NCK2: variants seen among roughly 807,000 people sequenced by gnomAD.
The protein encoded by NCK2 is NCK adaptor protein 2.
NCK2 carries 16 observed loss-of-function variants against 33.9 expected under a neutral mutation model. The ratio of observed to expected loss-of-function variants is 0.47; its 90% CI spans 0.32 to 0.72. NCK2 has a LOEUF of 0.72. Among genes scored for constraint, NCK2 ranks in the 30% least tolerant of loss-of-function variants. The pLI is 0.03. For synonymous variants in NCK2, 273 were observed against 239.9 expected (o/e 1.14, Z -1.27); for missense variants, 418 against 537.3 (o/e 0.78, Z 2.19).
intron 4 of NCK2, among the ~76,000 whole-genome samples, chr2:105,883,597 A>G (rs1678597249): frequency 6.6e-6 from 1 of 152,140 alleles, no homozygotes; most frequent in Non-Finnish European, 1.5e-5. Flanking sequence ...TGCTGGCCTT[A>G]GGGAGGACCT....
At chr2:105,774,013 T>TTTC (rs1297052812) in intron 1 of NCK2, among the ~76,000 whole-genome samples, 1 of 148,730 alleles carries the variant, frequency 6.7e-6, no homozygotes, top group African/African-American at 2.5e-5. Flanking sequence ...CCAGCTATCT[T>TTTC]TTTTTTTTTT....
intron 4 of NCK2, among the ~76,000 whole-genome samples, chr2:105,892,063 A>G (rs965043148): frequency 1.3e-5 from 2 of 152,148 alleles, no homozygotes; most frequent in African/African-American, 4.8e-5. Context: ...TTAGCCAGGC[A>G]TGGTGGCACA....
intron 1 of NCK2, among the ~76,000 whole-genome samples, chr2:105,783,935 C>T (rs759374096): frequency 9.9e-5 from 15 of 152,188 alleles, no homozygotes; most frequent in Admixed American, 3.3e-4. Flanking sequence ...GAAAATGAAA[C>T]ACCCTTTCTC....
At chr2:105,777,682 ATCAAGGTCCTGTGTGTAGAGCCAC>A (rs897733521) in intron 1 of NCK2, among the ~76,000 whole-genome samples, 1 of 152,164 alleles carries the variant, frequency 6.6e-6, no homozygotes, top group African/African-American at 2.4e-5. Context: ...CACAATTCCT[ATCAAGGTCCTGTGTGTAGAGCCAC>A]TGTGGACACT....
intron 1 of NCK2, among the ~76,000 whole-genome samples, chr2:105,802,795 GC>G (rs2104449835): frequency 6.6e-6 from 1 of 152,156 alleles, no homozygotes; most frequent in African/African-American, 2.4e-5. Flanking sequence ...ATCCTTGTTT[GC>G]CCCCATGTGT....
intron 1 of NCK2, among the ~76,000 whole-genome samples, chr2:105,810,053 GGAGA>G (rs1309678960): frequency 6.6e-6 from 1 of 152,168 alleles, no homozygotes; most frequent in African/African-American, 2.4e-5. Flanking sequence ...TGAGAGGGAG[GGAGA>G]AAGAGCACAC....
Position 105,886,734 on chromosome 2 carries a change from G to A in NCK2, c.948+4685G>A, listed in dbSNP as rs1331457238. Among the ~76,000 whole-genome samples the A allele has an allele frequency of 2.0e-5, 3 of 152,264 alleles. No individual in the cohort carries two copies. The South Asian group carries it at 6.2e-4, about 32-fold the overall frequency. On this transcript the variant is annotated intron_variant, in intron 4 of 4. Transcript: ENST00000233154. ...GGACAATATTCTACAGGTCTATATGGTGAGGTATTACATGTGACTTTAGGA... is the reference window on the plus strand; with the variant it reads ...GGACAATATTCTACAGGTCTATATGATGAGGTATTACATGTGACTTTAGGA...
chr2:105,804,685 A>G (rs920080481), intron 1 of NCK2, among the ~76,000 whole-genome samples: 1 of 152,198 alleles, frequency 6.6e-6, no homozygotes, highest in Non-Finnish European at 1.5e-5. Context: ...ACTGCTTGCA[A>G]ATTTATTTAT....
intron 1 of NCK2, among the ~76,000 whole-genome samples, chr2:105,795,383 A>G (rs575965507): frequency 6.4e-4 from 98 of 152,282 alleles, no homozygotes; most frequent in Non-Finnish European, 1.3e-3. Context: ...TTCTAATTAT[A>G]TGGTATATTG....
chr2:105,759,441 T>A (rs1689694493), intron 1 of NCK2, among the ~76,000 whole-genome samples: 2 of 143,110 alleles, frequency 1.4e-5, no homozygotes, highest in Admixed American at 7.3e-5. Flanking sequence ...AAGTCAACCA[T>A]GTTACCCTAT....
At chr2:105,840,927 G>T (rs1190009535) in intron 2 of NCK2, among the ~76,000 whole-genome samples, 5 of 150,638 alleles carry the variant, frequency 3.3e-5, no homozygotes, top group African/African-American at 1.3e-4. Context: ...CTGAAAGGCT[G>T]CCCCCACAGA....
intron 1 of NCK2, among the ~76,000 whole-genome samples, chr2:105,796,352 G>A (rs1301581638): frequency 4.6e-5 from 7 of 152,172 alleles, no homozygotes; most frequent in Non-Finnish European, 5.9e-5. Flanking sequence ...TCTTATCTCT[G>A]TACTTCCTGT....
chr2:105,791,024 C>T (rs1330730048), intron 1 of NCK2, among the ~76,000 whole-genome samples: 6 of 152,152 alleles, frequency 3.9e-5, no homozygotes, highest in Non-Finnish European at 8.8e-5. Flanking sequence ...TAGAGGTTGT[C>T]CGCTCCCACT....
intron 4 of NCK2, among the ~76,000 whole-genome samples, chr2:105,888,351 G>T (rs1376258969): frequency 1.3e-5 from 2 of 152,208 alleles, no homozygotes; most frequent in Non-Finnish European, 2.9e-5. Flanking sequence ...TGAAGAATTT[G>T]CCCAGTAGTC....
chr2:105,788,624 C>A (rs1331558400), intron 1 of NCK2, among the ~76,000 whole-genome samples: 1 of 152,182 alleles, frequency 6.6e-6, no homozygotes, highest in African/African-American at 2.4e-5. Context: ...AAATAAGACA[C>A]TTCTGTTGGC....
At chr2:105,804,517 A>G (rs956674219) in intron 1 of NCK2, among the ~76,000 whole-genome samples, 8 of 152,194 alleles carry the variant, frequency 5.3e-5, no homozygotes, top group African/African-American at 1.9e-4. Context: ...CTCTTTGGGG[A>G]TATTCAGACA....
chr2:105,754,696 A>G (rs907260213), intron 1 of NCK2, among the ~76,000 whole-genome samples: 2 of 145,944 alleles, frequency 1.4e-5, no homozygotes, highest in African/African-American at 5.1e-5. Context: ...TTTTTTTTTT[A>G]AACTGCTCTG....
chr2:105,893,396 A>G lies in NCK2; in HGVS notation c.*220A>G, dbSNP rs1018263796. On this transcript the variant is annotated 3_prime_UTR_variant, in exon 5 of 5. Transcript: ENST00000233154. ...GCCAGCTTTAGAGGAGGGGAGGAGC[A>G]GGGCGAGTTCACATTATTCCTTTTC... 9.6e-6 allele frequency: 5 copies of G among 521,998 alleles called. No homozygotes were observed. Among genetic ancestry groups the G allele is most frequent in the African/African-American group, 3.8e-5 (2 of 52,826 alleles). The allele number at this position is 521,998 out of a possible 1,614,324, so 32.3% of individuals were successfully genotyped here.
intron 1 of NCK2, among the ~76,000 whole-genome samples, chr2:105,747,860 A>T (rs1264120072): frequency 1.3e-5 from 2 of 152,228 alleles, no homozygotes; most frequent in Non-Finnish European, 2.9e-5. Flanking sequence ...GAAGGTCGTG[A>T]CGGCCTTTTA....
Sources: allele counts gnomAD v4.1 joint callset (sites outside exome capture counted in the v4.1 genomes callset), GRCh38; gene constraint gnomAD v4.1.1; transcripts MANE v1.5; gene names NCBI Gene and HGNC (gene_info 2026-07-23, HGNC 2026-07-21).